SMAP1: variants seen among roughly 807,000 people sequenced by gnomAD.
The protein encoded by SMAP1 is small ArfGAP 1.
A neutral mutation model predicts 58.5 loss-of-function variants in SMAP1; 24 were observed. The ratio of observed to expected loss-of-function variants is 0.41; its 90% CI spans 0.30 to 0.58. SMAP1 has a LOEUF of 0.58. Among genes scored for constraint, SMAP1 ranks in the 20% least tolerant of loss-of-function variants. The pLI is 0.29. For missense variants in SMAP1, 563 were observed against 566.3 expected, an observed-to-expected ratio of 0.99 and a Z score of 0.06; for synonymous variants, 216 against 196.6, an observed-to-expected ratio of 1.10 and a Z score of -0.82.
At chr6:70,768,920 G>C (rs1215450635) in intron 3 of SMAP1, among the ~76,000 whole-genome samples, 3 of 151,792 alleles carry the variant, frequency 2.0e-5, no homozygotes, top group Non-Finnish European at 4.4e-5. Context: ...ACACTGCTTT[G>C]AATGTGTCCC....
In SMAP1 at chr6:70,780,540, C is replaced by T. The variant is rs187053998; in HGVS notation, c.414+7115C>T. Among the ~76,000 whole-genome samples the T allele has an allele frequency of 1.5e-4, 23 of 152,222 alleles. No individual in the cohort carries two copies. The East Asian group carries it at 3.1e-3, about 20-fold the overall frequency. On this transcript the variant is annotated intron_variant, in intron 4 of 10. Coordinates refer to ENST00000370455, the MANE Select transcript of SMAP1 (RefSeq NM_001044305.3). ...AGGCTTCAGTGAGCTGTGATCACAC[C>T]GCTGTACTACTACCTGGGCAACAGA...
intron 6 of SMAP1, among the ~76,000 whole-genome samples, chr6:70,799,496 T>A (rs1044328310): frequency 6.6e-6 from 1 of 152,180 alleles, no homozygotes; most frequent in Non-Finnish European, 1.5e-5. Context: ...TGGCTTGGCT[T>A]TGAATGCATT....
At chr6:70,766,865 C>T (rs1218695518) in intron 3 of SMAP1, among the ~76,000 whole-genome samples, 1 of 151,958 alleles carries the variant, frequency 6.6e-6, no homozygotes, top group South Asian at 2.1e-4. Flanking sequence ...TCTTCCAGGG[C>T]TTTTATGGTT....
intron 1 of SMAP1, among the ~76,000 whole-genome samples, chr6:70,712,640 C>T (rs971543651): frequency 3.3e-5 from 5 of 151,972 alleles, no homozygotes; most frequent in Admixed American, 3.3e-4. Context: ...TGAGGAAATT[C>T]TGTTTCTTCT....
chr6:70,741,812 C>T (rs541465907), intron 2 of SMAP1, among the ~76,000 whole-genome samples: 66 of 152,342 alleles, frequency 4.3e-4, no homozygotes, highest in African/African-American at 1.4e-3. Flanking sequence ...TTCCATATAT[C>T]CTCTGAAATC....
At chr6:70,719,599 G>A (rs918408599) in intron 1 of SMAP1, among the ~76,000 whole-genome samples, 4 of 152,024 alleles carry the variant, frequency 2.6e-5, no homozygotes, top group South Asian at 2.1e-4. Flanking sequence ...CGGTTTTCAC[G>A]CTGCTGTTAA....
intron 2 of SMAP1, among the ~76,000 whole-genome samples, chr6:70,734,036 AAC>A (rs1415721493): frequency 6.6e-6 from 1 of 152,200 alleles, no homozygotes. Context: ...GGATTTTAAA[AAC>A]AGTTATTAAA....
chr6:70,859,933 C>A (rs933184724), intron 10 of SMAP1: 2 of 321,168 alleles, frequency 6.2e-6, no homozygotes, highest in African/African-American at 4.3e-5. Flanking sequence ...GTTAGAGTAG[C>A]GGACTCATTA....
At chr6:70,822,223 G>T (rs561973065) in intron 6 of SMAP1, among the ~76,000 whole-genome samples, 1 of 152,222 alleles carries the variant, frequency 6.6e-6, no homozygotes, top group South Asian at 2.1e-4. Context: ...TAGATTAGAT[G>T]GGTCATTGAA....
rs987415348 is a variant in SMAP1, at chr6:70,861,687, C to T, written c.*1353C>T. On this transcript the variant is annotated 3_prime_UTR_variant, in exon 11 of 11. Transcript: ENST00000370455. ...TTTATACCTCAATTTTCACTGTGTC[C>T]AGGTGGTACTTTGGCTCGTTGGCTA... 2 of 1,613,932 alleles carry T rather than the reference C, an allele frequency of 1.2e-6. No homozygotes were observed. The highest frequency in any genetic ancestry group is 1.7e-6 in the Non-Finnish European group (2 of 1,179,980).
At chr6:70,746,750 C>G (rs558582232) in intron 2 of SMAP1, among the ~76,000 whole-genome samples, 8 of 152,250 alleles carry the variant, frequency 5.3e-5, no homozygotes, top group Middle Eastern at 3.4e-3. Flanking sequence ...AGGAATGGTA[C>G]CAGCTCCTCT....
intron 3 of SMAP1, among the ~76,000 whole-genome samples, chr6:70,769,182 A>G (rs1013662493): frequency 5.3e-5 from 8 of 152,250 alleles, no homozygotes; most frequent in African/African-American, 1.2e-4. Context: ...TATGTGGTCA[A>G]TTTGGGAATA....
Position 70,753,639 on chromosome 6 carries a change from C to T in SMAP1, c.253-1341C>T, listed in dbSNP as rs532095402. Among the ~76,000 whole-genome samples, 3 of 152,258 alleles carry T rather than the reference C, an allele frequency of 2.0e-5. No homozygotes were observed. The East Asian group carries it at 5.8e-4, about 29-fold the overall frequency. On this transcript the variant is annotated intron_variant, in intron 2 of 10. Coordinates refer to ENST00000370455, the MANE Select transcript of SMAP1 (RefSeq NM_001044305.3). ...TAACTCTTCTTATGCTAACTTCATG[C>T]TAGTAGCCACTGTGATGTCATAGAG...
chr6:70,797,663 A>AT (rs145141886), intron 5 of SMAP1, among the ~76,000 whole-genome samples: 1,593 of 152,272 alleles, frequency 0.01, 13 homozygotes, highest in Non-Finnish European at 0.016. Flanking sequence ...CCTGATTTAC[A>AT]AATGGCAGAT....
At chr6:70,841,177 C>A (rs992847443) in intron 7 of SMAP1, among the ~76,000 whole-genome samples, 1 of 152,192 alleles carries the variant, frequency 6.6e-6, no homozygotes, top group Non-Finnish European at 1.5e-5. Context: ...CGAGCACATG[C>A]TTTGGGCATA....
At chr6:70,757,566 A>G (rs1197350217) in intron 3 of SMAP1, among the ~76,000 whole-genome samples, 1 of 151,546 alleles carries the variant, frequency 6.6e-6, no homozygotes, top group Non-Finnish European at 1.5e-5. Flanking sequence ...AGAAACTACC[A>G]TCAGAGTGAA....
chr6:70,839,111 A>T (rs756040779), intron 7 of SMAP1, among the ~76,000 whole-genome samples: 3 of 152,150 alleles, frequency 2.0e-5, no homozygotes, highest in Non-Finnish European at 4.4e-5. Context: ...CTGCATAGTA[A>T]ATAAGCCTCA....
At chr6:70,754,395 C>CTT (rs897964162) in intron 2 of SMAP1, among the ~76,000 whole-genome samples, 2 of 151,958 alleles carry the variant, frequency 1.3e-5, no homozygotes, top group Non-Finnish European at 2.9e-5. Context: ...ATGAACTGAA[C>CTT]TTATATGTAA....
chr6:70,752,539 T>C (rs1186452098), intron 2 of SMAP1, among the ~76,000 whole-genome samples: 1 of 152,224 alleles, frequency 6.6e-6, no homozygotes, highest in African/African-American at 2.4e-5. Context: ...CTGTAGCTAT[T>C]ATGCTATTTT....
Sources: gnomAD v4.1 joint callset for allele counts (sites outside exome capture counted in the v4.1 genomes callset) on GRCh38, gnomAD v4.1.1 for gene constraint, MANE v1.5 for transcripts, NCBI Gene and HGNC (gene_info 2026-07-23, HGNC 2026-07-21) for gene names.